The following DNASE1 variants were observed in gnomAD, a reference collection of about 807,000 sequenced individuals.
DNASE1 encodes deoxyribonuclease-1.
In DNASE1, 40 loss-of-function variants were observed where a neutral mutation model predicts 33.9. The ratio of observed to expected loss-of-function variants is 1.18; its 90% CI spans 0.92 to 1.54. The LOEUF (loss-of-function observed/expected upper bound fraction) is 1.54, where lower values mean the gene tolerates loss of function less well. Ranked by LOEUF, DNASE1 falls within the 40% of genes most tolerant of loss-of-function variation. DNASE1 has a pLI of 0.00. For synonymous variants in DNASE1, 216 were observed against 160.0 expected, an observed-to-expected ratio of 1.35 and a Z score of -2.64; for missense variants, 518 against 372.6, an observed-to-expected ratio of 1.39 and a Z score of -3.21.
At position 3,654,711 on chromosome 16, in the gene DNASE1, A is replaced by C; in HGVS notation, c.-335A>C. ...CAGGTGCAGTTTTTACAGCAGCAAG[A>C]AACCTGTGCTTACAGAAAGAAACAC... On this transcript the variant is annotated 5_prime_UTR_variant, in exon 1 of 9. Transcript: ENST00000246949. 1 of 399,456 alleles carries C rather than the reference A, an allele frequency of 2.5e-6. No homozygotes were observed. The highest frequency in any genetic ancestry group is 3.6e-5 in the East Asian group (1 of 28,086). 24.7% of individuals were successfully genotyped at this position (399,456 alleles called of 1,614,324 possible). A position where few individuals can be genotyped will look rare whatever the true frequency, so the allele number is the denominator to read the frequency against.
chr16:3,630,940 GAGTTTAATCAATTTACACTT>G (rs1276800144), intron 1 of DNASE1, among the ~76,000 whole-genome samples: 1 of 152,070 alleles, frequency 6.6e-6, no homozygotes, highest in Non-Finnish European at 1.5e-5. Context: ...TCTGATTGGA[GAGTTTAATCAATTTACACTT>G]AGTTACTGAT....
chr16:3,658,512 A>G, downstream of DNASE1: 1 of 568,196 alleles, frequency 1.8e-6, no homozygotes, highest in East Asian at 3.0e-5. Context: ...TGAAAACCCC[A>G]TCTCTACTAA....
chr16:3,619,218 T>A (rs1442883313), intron 1 of DNASE1, among the ~76,000 whole-genome samples: 10 of 151,918 alleles, frequency 6.6e-5, no homozygotes. Context: ...GTATTTTTAG[T>A]AGAGAAAGGG....
upstream of DNASE1, among the ~76,000 whole-genome samples, chr16:3,642,027 G>T (rs2042036545): frequency 6.6e-6 from 1 of 152,238 alleles, no homozygotes; most frequent in African/African-American, 2.4e-5. Context: ...GTGTCGTGGG[G>T]GCTGCATCAT....
chr16:3,662,685 A>G, downstream of DNASE1: 1 of 696,544 alleles, frequency 1.4e-6, no homozygotes, highest in Non-Finnish European at 2.6e-6. Flanking sequence ...GCTGGGAGAA[A>G]GACACGGCCT....
chr16:3,663,995 G>A (rs368865858), exon 10 of DNASE1: 4 of 372,112 alleles, frequency 1.1e-5, no homozygotes, highest in Non-Finnish European at 1.4e-5. Flanking sequence ...CCCAGGAGGC[G>A]GAAGTTGCAG....
chr16:3,657,261 G>A lies in DNASE1; in HGVS notation c.624G>A (p.Leu208=), dbSNP rs8176920. ...VRPSQWSSIR[L]WTSPTFQWLI... is the part of the protein sequence containing the mutation. ...CCTCCCAGTGGTCATCCATCCGCCT[G>A]TGGACAAGCCCCACCTTCCAGTGGC... The change falls in exon 7 of 9, where the codon CTG becomes CTA. Residue 208 remains leucine, a synonymous_variant. Coordinates refer to ENST00000246949, the MANE Select transcript of DNASE1 (RefSeq NM_005223.4). 7,771 of 1,613,970 alleles carry A rather than the reference G, an allele frequency of 4.8e-3. 322 individuals carry two copies. In the African/African-American group the frequency reaches 0.09, roughly 19 times the overall value.
chr16:3,653,076 G>A (rs1433844978), upstream of DNASE1: 1 of 152,276 alleles, frequency 6.6e-6, no homozygotes, highest in Admixed American at 6.5e-5. Context: ...ACTTGCAGAT[G>A]TGAGTAAAGG....
upstream of DNASE1, chr16:3,654,038 G>A (rs771921754): frequency 1.5e-5 from 3 of 196,344 alleles, no homozygotes; most frequent in Non-Finnish European, 2.0e-5. Flanking sequence ...GAGCCCTGGC[G>A]GTTGAGGCTA....
Position 3,622,408 on chromosome 16 carries a change from G to T in DNASE1, c.-1359+10402G>T, listed in dbSNP as rs555798418. Among the ~76,000 whole-genome samples, 34 of 152,090 alleles carry T rather than the reference G, an allele frequency of 2.2e-4. No individual in the cohort carries two copies. The East Asian group carries it at 6.4e-3, about 28-fold the overall frequency. On this transcript the variant is annotated intron_variant and NMD_transcript_variant, in intron 1 of 11. Coordinates refer to the DNASE1 transcript ENST00000570769. ...TTGAGGAAACGAGTATTTTCTTCAC[G>T]TGATTAAAAGCTACTTGTTTACCTA...
At chr16:3,643,558 G>A (rs2042082440) in intron 1 of DNASE1, among the ~76,000 whole-genome samples, 1 of 152,170 alleles carries the variant, frequency 6.6e-6, no homozygotes, top group African/African-American at 2.4e-5. Flanking sequence ...GAGTGGGTGA[G>A]CTGTCCCTGT....
intron 1 of DNASE1, among the ~76,000 whole-genome samples, chr16:3,634,294 T>A (rs1268619825): frequency 6.6e-6 from 1 of 151,642 alleles, no homozygotes; most frequent in Non-Finnish European, 1.5e-5. Context: ...AGTGGCGCAA[T>A]CTGGGCTCAC....
At chr16:3,634,224 TTTTG>T (rs1178831528) in intron 1 of DNASE1, among the ~76,000 whole-genome samples, 10 of 151,346 alleles carry the variant, frequency 6.6e-5, no homozygotes, top group South Asian at 4.2e-4. Flanking sequence ...GACAGGGTTT[TTTTG>T]TTTGTTTGTT....
chr16:3,654,660 TTAAAAC>T, upstream of DNASE1: 1 of 399,146 alleles, frequency 2.5e-6, no homozygotes, highest in Non-Finnish European at 4.4e-6. Context: ...ATCAGACATT[TTAAAAC>T]TAAGTGCAAA....
Position 3,664,729 on chromosome 16 carries a change from G to GA in DNASE1, c.*6777dup. On this transcript the variant is annotated 3_prime_UTR_variant, in exon 10 of 10. Coordinates refer to the DNASE1 transcript ENST00000407479. The stretch of plus-strand genomic sequence containing the variant: ...GGGAGCTACGCGCACCACGCCCTGG[G>GA]AGGGGACCCCACCCAACAGCAGAGC... 3 of 420,812 alleles carry GA rather than the reference G, an allele frequency of 7.1e-6. No homozygotes were observed. The South Asian group carries it at 8.9e-5, about 12-fold the overall frequency. The allele number at this position is 420,812 out of a possible 1,614,324, so 26.1% of individuals were successfully genotyped here.
At chr16:3,653,806 C>CAAAAAAAAAAAAAA (rs71133649), upstream of DNASE1, 14 of 37,040 alleles carry the variant, frequency 3.8e-4, 1 homozygote, top group African/African-American at 6.6e-4. Context: ...GATTCCGCCT[C>CAAAAAAAAAAAAAA]AAAAAAAAAA....
chr16:3,652,204 A>T (rs1337191857), upstream of DNASE1: 2 of 152,380 alleles, frequency 1.3e-5, no homozygotes, highest in Non-Finnish European at 2.9e-5. Context: ...GTCAAGAGCC[A>T]GGAGGGGATG....
rs200620452 is a variant in DNASE1, at chr16:3,657,323, C to T, written c.686C>T (p.Thr229Met). 3.1e-4 allele frequency: 507 copies of T among 1,613,454 alleles called. 3 individuals are homozygous for T. Among genetic ancestry groups the T allele is most frequent in the Non-Finnish European group, 4.0e-4 (476 of 1,180,042 alleles). Residue 229 changes from threonine to methionine, a missense_variant, in exon 7 of 9, where the codon ACG becomes ATG. Thr to Met is a moderately conservative substitution (Grantham distance 81). Coordinates refer to ENST00000246949, the MANE Select transcript of DNASE1 (RefSeq NM_005223.4). ...PDSADTTATP[T>M]HCAYDRIVVA... ...AGCGCTGACACCACAGCTACACCCACGCACTGTGCCTATGACAGGTGAGCA... is the reference window on the plus strand; with the variant it reads ...AGCGCTGACACCACAGCTACACCCATGCACTGTGCCTATGACAGGTGAGCA...
rs188163033 is a variant in DNASE1 at position 3,623,011 on chromosome 16, G to T, written c.-1359+11005G>T. On this transcript the variant is annotated intron_variant and NMD_transcript_variant, in intron 1 of 11. Coordinates refer to the DNASE1 transcript ENST00000570769. ...GCTTGAGACCAGCCTCGGCAACATAGTAAGACTCCATCTCTAATGTACCTG... is the reference window on the plus strand; with the variant it reads ...GCTTGAGACCAGCCTCGGCAACATATTAAGACTCCATCTCTAATGTACCTG... Among the ~76,000 whole-genome samples, 25 of 152,218 alleles carry T rather than the reference G, an allele frequency of 1.6e-4. No homozygotes were observed. The East Asian group carries it at 4.2e-3, about 26-fold the overall frequency.
Sources: allele counts gnomAD v4.1 joint callset (sites outside exome capture counted in the v4.1 genomes callset), GRCh38; gene constraint gnomAD v4.1.1; transcripts MANE v1.5; gene names NCBI Gene and HGNC (gene_info 2026-07-23, HGNC 2026-07-21).